The following TDRD3 variants were observed in gnomAD, a reference collection of about 807,000 sequenced individuals.
The protein encoded by TDRD3 is tudor domain containing 3, also known as tudor domain-containing protein 3.
A neutral mutation model predicts 86.7 loss-of-function variants in TDRD3; 45 were observed. The observed-to-expected ratio is 0.52, with a 90% CI of 0.41 to 0.67. The LOEUF is 0.67. TDRD3 is among the 30% of genes least tolerant of loss of function. The pLI is 0.00. For synonymous variants in TDRD3, 298 were observed against 301.7 expected (o/e 0.99, Z 0.13); for missense variants, 814 against 889.0 (o/e 0.92, Z 1.07).
chr13:60,411,055 A>C (rs1475043508), intron 1 of TDRD3, among the ~76,000 whole-genome samples: 1 of 152,212 alleles, frequency 6.6e-6, no homozygotes, highest in Non-Finnish European at 1.5e-5. Context: ...TTGTTAGTGC[A>C]AAGTGGCCAC....
chr13:60,498,731 C>T (rs1034291398), intron 8 of TDRD3, among the ~76,000 whole-genome samples: 1 of 152,120 alleles, frequency 6.6e-6, no homozygotes, highest in East Asian at 1.9e-4. Flanking sequence ...CTATCCTTCC[C>T]CAAGGAGACC....
chr13:60,562,906 C>G (rs1337384271), intron 12 of TDRD3, among the ~76,000 whole-genome samples: 2 of 151,748 alleles, frequency 1.3e-5, no homozygotes, highest in Non-Finnish European at 2.9e-5. Context: ...AAAGTTATGA[C>G]TTGGGAAAAT....
At chr13:60,513,574 C>T (rs1957104411) in intron 10 of TDRD3, among the ~76,000 whole-genome samples, 2 of 152,144 alleles carry the variant, frequency 1.3e-5, no homozygotes, top group Non-Finnish European at 1.5e-5. Flanking sequence ...TGTGTCCCCA[C>T]CCAAATCTCA....
At chr13:60,500,215 A>G (rs1956803108) in intron 8 of TDRD3, among the ~76,000 whole-genome samples, 1 of 152,170 alleles carries the variant, frequency 6.6e-6, no homozygotes, top group Non-Finnish European at 1.5e-5. Context: ...TGAACTGCCT[A>G]TCATGAACTG....
chr13:60,471,087 T>C (rs1323801967), intron 5 of TDRD3, among the ~76,000 whole-genome samples: 1 of 152,194 alleles, frequency 6.6e-6, no homozygotes, highest in South Asian at 2.1e-4. Context: ...ATAATATGTT[T>C]TGCAAATATT....
chr13:60,459,077 T>C (rs1349881292), intron 3 of TDRD3, among the ~76,000 whole-genome samples: 1 of 152,184 alleles, frequency 6.6e-6, no homozygotes, highest in Non-Finnish European at 1.5e-5. Flanking sequence ...CCAATTATGT[T>C]CTCTAGGCCT....
chr13:60,568,115 G>A (rs2181295), intron 13 of TDRD3, among the ~76,000 whole-genome samples: 63,473 of 151,892 alleles, frequency 0.42, 13,853 homozygotes, highest in South Asian at 0.54. Flanking sequence ...AATGTGATAT[G>A]TCTTTATCTT....
intron 10 of TDRD3, among the ~76,000 whole-genome samples, chr13:60,519,346 G>C (rs1957240768): frequency 1.3e-5 from 2 of 152,080 alleles, no homozygotes; most frequent in South Asian, 4.1e-4. Context: ...TAAGGAAATA[G>C]GTTTGTATAT....
At chr13:60,572,931 G>A (rs762191392) in intron 13 of TDRD3, among the ~76,000 whole-genome samples, 2 of 151,948 alleles carry the variant, frequency 1.3e-5, no homozygotes, top group Non-Finnish European at 2.9e-5. Context: ...GAGGATTATA[G>A]TACCCGACGC....
chr13:60,401,343 G>A (rs1259160212), intron 1 of TDRD3, among the ~76,000 whole-genome samples: 1 of 152,134 alleles, frequency 6.6e-6, no homozygotes, highest in African/African-American at 2.4e-5. Context: ...ATTTTAAGTA[G>A]TCTAGAGATG....
intron 1 of TDRD3, among the ~76,000 whole-genome samples, chr13:60,415,459 T>C (rs1954481486): frequency 1.3e-5 from 2 of 152,134 alleles, no homozygotes; most frequent in Admixed American, 6.6e-5. Flanking sequence ...AATTAACATA[T>C]TGGTAATAAG....
chr13:60,467,491 A>G, intron 5 of TDRD3, 112 bp downstream of exon 5: 1 of 1,147,940 alleles, frequency 8.7e-7, no homozygotes, highest in Non-Finnish European at 1.2e-6. Flanking sequence ...GTTGAATAGA[A>G]TGGAATATGA....
At chr13:60,527,529 T>G (rs1330699023) in intron 10 of TDRD3, among the ~76,000 whole-genome samples, 1 of 152,184 alleles carries the variant, frequency 6.6e-6, no homozygotes, top group Non-Finnish European at 1.5e-5. Flanking sequence ...GTATGTTTGG[T>G]AATCATGTTA....
At chr13:60,474,886 T>C (rs1014502385) in intron 5 of TDRD3, among the ~76,000 whole-genome samples, 4 of 77,786 alleles carry the variant, frequency 5.1e-5, no homozygotes, top group Non-Finnish European at 7.1e-5. Context: ...TGTCAGAATG[T>C]TTTTTTTTTC....
intron 1 of TDRD3, chr13:60,433,995 TCA>T (rs1955024032): frequency 6.6e-6 from 1 of 152,224 alleles, no homozygotes; most frequent in East Asian, 1.9e-4. Flanking sequence ...GTTTGTTTTA[TCA>T]CAGTTTTCTG....
chr13:60,397,388 G>A lies in TDRD3; in HGVS notation c.24G>A (p.Ala8=), dbSNP rs1953948523. Residue 8 remains alanine (A), a synonymous_variant, in exon 1 of 14, where the codon GCG becomes GCA. Coordinates refer to ENST00000377881, the MANE Select transcript of TDRD3 (RefSeq NM_001146070.2). ...CCATGGCCCAGGTGGCCGGCGCGGC[G>A]TTGTCCCAGGCGGGTTGGTAAGTGG... is the stretch of plus-strand genomic sequence containing the variant. MAQVAGA[A]LSQAGWYLSD... The A allele has an allele frequency of 2.7e-6, 4 of 1,502,816 alleles. 1 individual carries two copies. Among genetic ancestry groups the A allele is most frequent in the East Asian group, 2.6e-5 (1 of 37,916 alleles). The allele number at this position is 1,502,816 out of a possible 1,614,324, so 93.1% of individuals were successfully genotyped here. A position where few individuals can be genotyped will look rare whatever the true frequency, so the allele number is the denominator to read the frequency against.
intron 9 of TDRD3, 92 bp from the exon 10 acceptor site, chr13:60,510,538 C>A: frequency 2.5e-6 from 3 of 1,212,282 alleles, no homozygotes; most frequent in Middle Eastern, 2.8e-4. Context: ...AATTAAAATC[C>A]TTATTTAAAA....
chr13:60,452,928 A>T (rs913135377), intron 3 of TDRD3, among the ~76,000 whole-genome samples: 45 of 151,726 alleles, frequency 3.0e-4, no homozygotes, highest in Admixed American at 3.0e-3. Context: ...GTCAGTTATC[A>T]GTTTCATTAG....
chr13:60,558,235 G>A (rs574009979), intron 12 of TDRD3, among the ~76,000 whole-genome samples: 1 of 152,244 alleles, frequency 6.6e-6, no homozygotes, highest in East Asian at 1.9e-4. Flanking sequence ...AGCATTAAAA[G>A]CATTCTGGCA....
Sources: gnomAD v4.1 joint callset for allele counts (sites outside exome capture counted in the v4.1 genomes callset) on GRCh38, gnomAD v4.1.1 for gene constraint, MANE v1.5 for transcripts, NCBI Gene and HGNC (gene_info 2026-07-23, HGNC 2026-07-21) for gene names.